SLC35F3: variants seen among roughly 807,000 people sequenced by gnomAD.
SLC35F3 encodes the protein putative thiamine transporter SLC35F3.
SLC35F3 carries 25 observed loss-of-function variants against 49.9 expected under a neutral mutation model. The observed-to-expected ratio is 0.50, with a 90% CI of 0.37 to 0.70. SLC35F3 has a LOEUF of 0.70. Ranked by LOEUF, SLC35F3 falls within the 30% of genes least tolerant of loss-of-function variation. The pLI, the probability that SLC35F3 is intolerant of heterozygous loss-of-function variation, is 0.00. For synonymous variants in SLC35F3, 275 were observed against 265.4 expected (o/e 1.04, Z -0.35); for missense variants, 525 against 639.8 (o/e 0.82, Z 1.94).
chr1:234,123,383 G>A (rs1224904381), intron 2 of SLC35F3, among the ~76,000 whole-genome samples: 4 of 152,054 alleles, frequency 2.6e-5, no homozygotes, highest in Non-Finnish European at 5.9e-5. Flanking sequence ...TGTGCATCTG[G>A]GGCCATAACC....
At chr1:233,956,506 TC>T (rs1046513675) in intron 2 of SLC35F3, among the ~76,000 whole-genome samples, 1 of 152,230 alleles carries the variant, frequency 6.6e-6, no homozygotes. Flanking sequence ...TGAGACTTTT[TC>T]TCCCCTCTCC....
At chr1:234,136,119 C>T (rs1471725812) in intron 2 of SLC35F3, among the ~76,000 whole-genome samples, 3 of 152,228 alleles carry the variant, frequency 2.0e-5, no homozygotes, top group African/African-American at 4.8e-5. Context: ...GGAAGCCTTC[C>T]CTGAAACCCA....
At chr1:234,083,141 A>G (rs1226881248) in intron 2 of SLC35F3, among the ~76,000 whole-genome samples, 1 of 152,146 alleles carries the variant, frequency 6.6e-6, no homozygotes, top group African/African-American at 2.4e-5. Flanking sequence ...TGTTAATGAT[A>G]ATGTTGGTTT....
intron 2 of SLC35F3, among the ~76,000 whole-genome samples, chr1:234,102,430 C>T (rs1417200940): frequency 6.6e-6 from 1 of 152,166 alleles, no homozygotes; most frequent in Non-Finnish European, 1.5e-5. Context: ...CCTGAACCAT[C>T]TGCTCAAGGA....
At chr1:234,153,485 A>G (rs1666104482) in intron 2 of SLC35F3, among the ~76,000 whole-genome samples, 2 of 152,210 alleles carry the variant, frequency 1.3e-5, no homozygotes, top group African/African-American at 2.4e-5. Context: ...GGGAAGAACA[A>G]GGAAAGCACA....
At chr1:233,950,414 A>C (rs1326953915) in intron 2 of SLC35F3, among the ~76,000 whole-genome samples, 1 of 148,938 alleles carries the variant, frequency 6.7e-6, no homozygotes, top group African/African-American at 2.5e-5. Flanking sequence ...AAAAAATGAA[A>C]ATAAGGTAGA....
intron 2 of SLC35F3, among the ~76,000 whole-genome samples, chr1:233,912,506 CAAAA>C (rs1402628627): frequency 4.1e-5 from 5 of 120,498 alleles, no homozygotes; most frequent in African/African-American, 7.7e-5. Context: ...AACAAACAAA[CAAAA>C]AAAACGAAAA....
chr1:234,129,160 C>A (rs990383249), intron 2 of SLC35F3, among the ~76,000 whole-genome samples: 3 of 152,262 alleles, frequency 2.0e-5, no homozygotes, highest in East Asian at 1.9e-4. Context: ...AATACATACA[C>A]CTCCAACAGG....
intron 2 of SLC35F3, among the ~76,000 whole-genome samples, chr1:234,132,450 G>A (rs540771751): frequency 2.6e-5 from 4 of 152,244 alleles, no homozygotes; most frequent in South Asian, 2.1e-4. Flanking sequence ...TGGCATGTGC[G>A]GCCAAGTTTG....
chr1:234,295,717 C>CGTAT (rs1160397686), intron 3 of SLC35F3, among the ~76,000 whole-genome samples: 2 of 152,172 alleles, frequency 1.3e-5, no homozygotes, highest in East Asian at 3.8e-4. Context: ...GCTAAATATA[C>CGTAT]TCCTTTCTAC....
At chr1:234,302,467 C>A (rs1668707353) in intron 3 of SLC35F3, among the ~76,000 whole-genome samples, 1 of 151,962 alleles carries the variant, frequency 6.6e-6, no homozygotes, top group African/African-American at 2.4e-5. Flanking sequence ...AAGGCAAGGT[C>A]ATGGAGAACT....
rs575007118 is a variant in SLC35F3, at chr1:233,951,707, C to A, written c.283+45949C>A. 9.2e-4 allele frequency among the ~76,000 whole-genome samples: 140 copies of A among 151,574 alleles called. 1 individual carries two copies. The East Asian group carries it at 0.016, about 17-fold the overall frequency. On this transcript the variant is annotated intron_variant, in intron 2 of 7. Transcript: ENST00000366618. ...GTAACCTTTCCACATGTAGATGATTCTTCTTCTTCTTTTTGTGTGTGTGTG... is the reference window on the plus strand; with the variant it reads ...GTAACCTTTCCACATGTAGATGATTATTCTTCTTCTTTTTGTGTGTGTGTG...
intron 2 of SLC35F3, among the ~76,000 whole-genome samples, chr1:233,931,585 A>T (rs1017931742): frequency 1.3e-5 from 2 of 152,254 alleles, no homozygotes; most frequent in African/African-American, 4.8e-5. Context: ...AATCAAAACC[A>T]CAAGGAGATA....
chr1:233,982,970 G>A (rs1254775140), intron 2 of SLC35F3, among the ~76,000 whole-genome samples: 2 of 152,194 alleles, frequency 1.3e-5, no homozygotes, highest in Non-Finnish European at 1.5e-5. Context: ...ATCTGAAAGA[G>A]CAGGATATGA....
rs1255983633 is a variant in SLC35F3, at chr1:234,119,489, C to G, written c.284-111928C>G. On this transcript the variant is annotated intron_variant, in intron 2 of 7. Transcript: ENST00000366618. Reference sequence around the variant, plus strand: ...CATGATGGGTCCGCCGTTGGATAGACATTTCCCATTCATAACGGTAGCATC... The same window carrying G: ...CATGATGGGTCCGCCGTTGGATAGAGATTTCCCATTCATAACGGTAGCATC... Among the ~76,000 whole-genome samples the G allele has an allele frequency of 2.0e-5, 3 of 152,180 alleles. No individual in the cohort carries two copies. In the East Asian group the frequency reaches 5.8e-4, roughly 29 times the overall value.
intron 2 of SLC35F3, among the ~76,000 whole-genome samples, chr1:234,004,521 A>G (rs1457850922): frequency 6.6e-6 from 1 of 152,128 alleles, no homozygotes; most frequent in Non-Finnish European, 1.5e-5. Flanking sequence ...GGGGAGTGGG[A>G]TTGGAAGTGT....
At chr1:234,014,335 A>G (rs1250211602) in intron 2 of SLC35F3, among the ~76,000 whole-genome samples, 1 of 152,112 alleles carries the variant, frequency 6.6e-6, no homozygotes, top group African/African-American at 2.4e-5. Flanking sequence ...GAAATAATCT[A>G]CTTTAGCACA....
intron 2 of SLC35F3, among the ~76,000 whole-genome samples, chr1:234,093,084 A>T (rs1217480238): frequency 6.6e-6 from 1 of 152,170 alleles, no homozygotes; most frequent in African/African-American, 2.4e-5. Flanking sequence ...CTCATTTAAC[A>T]TCTTTGGGCC....
Position 234,320,104 on chromosome 1 carries a change from A to G in SLC35F3, c.1154A>G (p.Asn385Ser), listed in dbSNP as rs1657580773. Reference sequence around the variant, plus strand: ...TTTACATTCTTTATTTCAGCATTCAATATTGTATTAAATTTTGGAATTGCC... The same window carrying G: ...TTTACATTCTTTATTTCAGCATTCAGTATTGTATTAAATTTTGGAATTGCC... Reference protein sequence around the residue: ...CGFSVLLLTFNIVLNFGIAVT... With the variant: ...CGFSVLLLTFSIVLNFGIAVT... The change falls in exon 7 of 8, where the codon AAT becomes AGT. Residue 385 changes from asparagine (N) to serine (S), a missense_variant. By Grantham distance (46) the Asn-to-Ser change is conservative. Around this residue, in one of 4 missense-constraint regions of SLC35F3, gnomAD observed 216 missense variants for 298.1 expected, o/e 0.72. Transcript: ENST00000366618. This position sits in a 1 kb window ranked among gnomAD's most constrained non-coding sequence, Gnocchi z 4.8. 1 of 1,601,824 alleles carries G rather than the reference A, an allele frequency of 6.2e-7. No homozygotes were observed. The highest frequency in any genetic ancestry group is 1.7e-5 in the Admixed American group (1 of 59,984).
Sources: allele counts gnomAD v4.1 joint callset (sites outside exome capture counted in the v4.1 genomes callset), GRCh38; gene constraint gnomAD v4.1.1; regional missense constraint gnomAD v4.1.1; non-coding constraint Gnocchi (gnomAD v3.1); transcripts MANE v1.5; gene names NCBI Gene and HGNC (gene_info 2026-07-23, HGNC 2026-07-21).